PDE7B: variants seen among roughly 807,000 people sequenced by gnomAD.
The protein encoded by PDE7B is phosphodiesterase 7B.
PDE7B carries 29 observed loss-of-function variants against 56.2 expected under a neutral mutation model. The observed-to-expected ratio is 0.52, with a 90% CI of 0.38 to 0.70. PDE7B has a LOEUF of 0.70. PDE7B is among the 30% of genes least tolerant of loss of function. PDE7B has a pLI of 0.00. For synonymous variants in PDE7B, 197 were observed against 196.9 expected (o/e 1.00, Z 0.00); for missense variants, 490 against 565.0 (o/e 0.87, Z 1.35).
At chr6:136,007,663 A>G (rs988746933) in intron 2 of PDE7B, among the ~76,000 whole-genome samples, 1 of 151,946 alleles carries the variant, frequency 6.6e-6, no homozygotes, top group African/African-American at 2.4e-5. Context: ...GAAAAAAAAA[A>G]AAAAGAAAAT....
intron 9 of PDE7B, among the ~76,000 whole-genome samples, chr6:136,176,191 T>C (rs762442089): frequency 2.0e-5 from 3 of 152,090 alleles, no homozygotes; most frequent in Non-Finnish European, 4.4e-5. Context: ...CCATTTGTTA[T>C]ATGTGGTAAA....
chr6:136,176,814 A>G (rs1009531209), intron 9 of PDE7B, among the ~76,000 whole-genome samples: 4 of 152,194 alleles, frequency 2.6e-5, no homozygotes, highest in African/African-American at 9.6e-5. Flanking sequence ...CAATCTTTCA[A>G]TAATTCAGCA....
chr6:135,854,325 A>G (rs2128183148), intron 1 of PDE7B, among the ~76,000 whole-genome samples: 1 of 152,350 alleles, frequency 6.6e-6, no homozygotes, highest in South Asian at 2.1e-4. Flanking sequence ...TTTAAGGATC[A>G]GAACAGACTT....
chr6:136,161,195 A>T (rs995103134), intron 8 of PDE7B, among the ~76,000 whole-genome samples: 9 of 152,066 alleles, frequency 5.9e-5, no homozygotes, highest in Admixed American at 3.9e-4. Flanking sequence ...TTCCCTCCTG[A>T]AAGTCTTCTT....
intron 2 of PDE7B, among the ~76,000 whole-genome samples, chr6:136,088,531 C>G (rs1229231522): frequency 6.6e-6 from 1 of 152,150 alleles, no homozygotes; most frequent in African/African-American, 2.4e-5. Flanking sequence ...CCACCAATAT[C>G]ATAAGGCAGA....
chr6:136,187,900 C>T (rs867821446), intron 12 of PDE7B, among the ~76,000 whole-genome samples: 6 of 152,130 alleles, frequency 3.9e-5, no homozygotes, highest in South Asian at 2.1e-4. Flanking sequence ...CCATTGAATC[C>T]GAACTCAGAA....
chr6:136,094,357 C>G (rs1035230029), intron 2 of PDE7B: 1 of 152,672 alleles, frequency 6.5e-6, no homozygotes. Flanking sequence ...ACTCCTGCAC[C>G]TCACTCTCCC....
At chr6:136,042,230 A>C (rs1776425373) in intron 2 of PDE7B, among the ~76,000 whole-genome samples, 1 of 152,212 alleles carries the variant, frequency 6.6e-6, no homozygotes, top group African/African-American at 2.4e-5. Context: ...GCATGCACCC[A>C]TGTGGGGAGT....
chr6:135,898,395 A>C (rs1251898052), intron 1 of PDE7B, among the ~76,000 whole-genome samples: 1 of 152,170 alleles, frequency 6.6e-6, no homozygotes, highest in Non-Finnish European at 1.5e-5. Context: ...GTACCTGTGA[A>C]AATTTTGGAA....
At chr6:136,004,999 T>A (rs376014140) in intron 2 of PDE7B, among the ~76,000 whole-genome samples, 64 of 152,078 alleles carry the variant, frequency 4.2e-4, no homozygotes, top group African/African-American at 9.4e-4. Flanking sequence ...CTGGTACCAA[T>A]ACAGAGATAT....
At chr6:135,986,904 G>A (rs1463499724) in intron 2 of PDE7B, among the ~76,000 whole-genome samples, 1 of 152,160 alleles carries the variant, frequency 6.6e-6, no homozygotes, top group Non-Finnish European at 1.5e-5. Context: ...GTTTAGACTT[G>A]TGGAGCAGAA....
chr6:136,019,228 G>A (rs549195386), intron 2 of PDE7B, among the ~76,000 whole-genome samples: 3 of 152,186 alleles, frequency 2.0e-5, no homozygotes, highest in Admixed American at 1.3e-4. Context: ...AGGGCCGTTA[G>A]CCAGTTTTCT....
chr6:135,851,794 A>G lies in PDE7B; in HGVS notation c.-205A>G, dbSNP rs1050225301. 1.3e-5 allele frequency: 7 copies of G among 543,340 alleles called. No homozygotes were observed. Among genetic ancestry groups the G allele is most frequent in the Non-Finnish European group, 2.3e-5 (7 of 307,674 alleles). 33.7% of individuals were successfully genotyped at this position (543,340 alleles called of 1,614,324 possible). A position where few individuals can be genotyped will look rare whatever the true frequency, so the allele number is the denominator to read the frequency against. ...TCACCCAGGGAGAGTCTCTCTTTCT[A>G]CCTTCCTTCTTTCTCGATCTCCTTG... is the stretch of plus-strand genomic sequence containing the variant. On this transcript the variant is annotated 5_prime_UTR_variant, in exon 1 of 13. Transcript: ENST00000308191.
intron 1 of PDE7B, among the ~76,000 whole-genome samples, chr6:135,939,129 A>G (rs1774467219): frequency 6.6e-6 from 1 of 152,208 alleles, no homozygotes; most frequent in African/African-American, 2.4e-5. Context: ...AATAGCATTA[A>G]TATCTTTCAA....
In PDE7B at chr6:135,915,887, A is replaced by G. The variant is rs1773922590; in HGVS notation, c.22-31577A>G. Among the ~76,000 whole-genome samples, 4 of 152,204 alleles carry G rather than the reference A, an allele frequency of 2.6e-5. No homozygotes were observed. In the South Asian group the frequency reaches 8.3e-4, roughly 31 times the overall value. On this transcript the variant is annotated intron_variant, in intron 1 of 12. Coordinates refer to ENST00000308191, the MANE Select transcript of PDE7B (RefSeq NM_018945.4). ...GAGCTGCAGTCTGGTACTGCTGTGC[A>G]TTACCTTTCTTTGCTAAGGAGCTTC...
intron 2 of PDE7B, chr6:136,046,350 C>T (rs1276759593): frequency 2.0e-5 from 3 of 152,170 alleles, no homozygotes; most frequent in African/African-American, 7.2e-5. Context: ...TCTTCTTCAA[C>T]CAAGAAAATT....
chr6:136,149,024 A>C, intron 4 of PDE7B, 63 bp from the exon 5 acceptor site: 2 of 1,153,708 alleles, frequency 1.7e-6, no homozygotes, highest in Non-Finnish European at 2.6e-6. Flanking sequence ...ACTATATCCC[A>C]AAGTAAATGT....
intron 2 of PDE7B, among the ~76,000 whole-genome samples, chr6:136,045,622 G>A (rs974036036): frequency 7.2e-5 from 11 of 152,266 alleles, no homozygotes; most frequent in African/African-American, 2.4e-4. Context: ...GGCTGACAAA[G>A]ACAAAGCAGG....
intron 2 of PDE7B, among the ~76,000 whole-genome samples, chr6:136,089,231 T>C (rs1354399109): frequency 6.6e-6 from 1 of 152,078 alleles, no homozygotes; most frequent in Non-Finnish European, 1.5e-5. Flanking sequence ...AACACTAACC[T>C]CTGGATAAAA....
Sources: gnomAD v4.1 joint callset for allele counts (sites outside exome capture counted in the v4.1 genomes callset) on GRCh38, gnomAD v4.1.1 for gene constraint, MANE v1.5 for transcripts, NCBI Gene and HGNC (gene_info 2026-07-23, HGNC 2026-07-21) for gene names.